The following MCM6 variants were observed in gnomAD, a reference collection of about 807,000 sequenced individuals.
MCM6 encodes the protein minichromosome maintenance complex component 6.
A neutral mutation model predicts 94.3 loss-of-function variants in MCM6; 46 were observed. The ratio of observed to expected loss-of-function variants is 0.49; its 90% CI spans 0.39 to 0.62. The LOEUF (loss-of-function observed/expected upper bound fraction) is 0.62. MCM6 is among the 20% of genes least tolerant of loss of function. The pLI, the probability that MCM6 is intolerant of heterozygous loss-of-function variation, is 0.00. For synonymous variants in MCM6, 335 were observed against 351.9 expected, an observed-to-expected ratio of 0.95 and a Z score of 0.54; for missense variants, 865 against 1,017.9, an observed-to-expected ratio of 0.85 and a Z score of 2.04.
At chr2:135,858,055 T>A (rs1679924866) in intron 9 of MCM6, 51 bp from the exon 10 acceptor site, 3 of 1,511,742 alleles carry the variant, frequency 2.0e-6, no homozygotes, top group Non-Finnish European at 2.8e-6. Flanking sequence ...GCTGGATGCA[T>A]GGCTCACACT....
At chr2:135,851,737 A>C in intron 12 of MCM6, 174 bp from the exon 13 acceptor site, 1 of 451,264 alleles carries the variant, frequency 2.2e-6, no homozygotes, top group East Asian at 3.2e-5. Flanking sequence ...AGAAACTAAT[A>C]TTAAGGAGGC....
intron 4 of MCM6, among the ~76,000 whole-genome samples, chr2:135,867,389 C>A (rs895147747): frequency 2.8e-4 from 43 of 152,138 alleles, no homozygotes; most frequent in Middle Eastern, 3.4e-3. Flanking sequence ...AAACTAAGAC[C>A]CAATCTAGAT....
intron 2 of MCM6, among the ~76,000 whole-genome samples, chr2:135,871,015 A>T (rs1238855705): frequency 6.6e-6 from 1 of 152,128 alleles, no homozygotes; most frequent in Admixed American, 6.5e-5. Context: ...AGCCTCCCAA[A>T]GTGTTAGGAT....
At chr2:135,855,327 AAT>A (rs1318351344) in intron 11 of MCM6, among the ~76,000 whole-genome samples, 12 of 152,224 alleles carry the variant, frequency 7.9e-5, no homozygotes, top group African/African-American at 2.9e-4. Flanking sequence ...CTGGTAATTA[AAT>A]ATGTCTCTCT....
At position 135,851,400 on chromosome 2, in the gene MCM6, AC is replaced by A; in HGVS notation, c.1917+1del. On this transcript the variant is annotated splice_donor_variant, in intron 13 of 16. Coordinates refer to ENST00000264156, the MANE Select transcript of MCM6 (RefSeq NM_005915.6). LOFTEE classifies it high-confidence loss of function. ...CTCATCATATCAAAGTGACTCTGATACCTCATCACAGCAGTGCATCCGAGCC... is the reference window on the plus strand; with the variant it reads ...CTCATCATATCAAAGTGACTCTGATACTCATCACAGCAGTGCATCCGAGCC... The A allele has an allele frequency of 6.2e-7, 1 of 1,610,010 alleles. No individual in the cohort carries two copies.
In MCM6 at chr2:135,870,132, T is replaced by A. The variant is rs569097925; in HGVS notation, c.365+119A>T. 5.6e-5 allele frequency: 38 copies of A among 681,176 alleles called. No homozygotes were observed. The Admixed American group carries it at 7.7e-4, about 14-fold the overall frequency. The allele number at this position is 681,176 out of a possible 1,614,324, so 42.2% of individuals were successfully genotyped here. ...CTCAGGGAGGTAAAAGTGATTTGTA[T>A]AATGTTAAATAGCCAGCTAATAGCA... On this transcript the variant is annotated intron_variant, in intron 3 of 16. Transcript: ENST00000264156.
intron 14 of MCM6, 116 bp from the exon 15 acceptor site, chr2:135,846,508 A>C: frequency 1.2e-6 from 1 of 822,002 alleles, no homozygotes; most frequent in Non-Finnish European, 1.9e-6. Context: ...TTTAAAAATT[A>C]TTATTATTAT....
At chr2:135,842,405 C>T (rs1679592419) in intron 16 of MCM6, among the ~76,000 whole-genome samples, 1 of 152,124 alleles carries the variant, frequency 6.6e-6, no homozygotes, top group Non-Finnish European at 1.5e-5. Context: ...TATAGTGAGC[C>T]CTGTGAATTG....
chr2:135,841,448 G>A (rs529282112), intron 16 of MCM6, among the ~76,000 whole-genome samples: 18 of 152,146 alleles, frequency 1.2e-4, no homozygotes, highest in Admixed American at 1.2e-3. Flanking sequence ...GGTAGAACAT[G>A]CCATCTGGCT....
At chr2:135,872,628 A>T in intron 2 of MCM6, 69 bp downstream of exon 2, 1 of 1,485,870 alleles carries the variant, frequency 6.7e-7, no homozygotes, top group South Asian at 1.2e-5. Flanking sequence ...GAACACTTAC[A>T]GTCCAAGAAG....
In MCM6 at chr2:135,840,780, G is replaced by A. The variant is rs1328077857; in HGVS notation, c.*55C>T. On this transcript the variant is annotated 3_prime_UTR_variant, in exon 17 of 17. Coordinates refer to ENST00000264156, the MANE Select transcript of MCM6 (RefSeq NM_005915.6). ...CTAGCAGAGCTCCAGCCAGGCTCCA[G>A]GCCACGAGGTGCTGTGCCACAGTTC... 2.4e-6 allele frequency: 3 copies of A among 1,233,466 alleles called. No homozygotes were observed. Among genetic ancestry groups the A allele is most frequent in the Admixed American group, 1.7e-5 (1 of 59,146 alleles). 76.4% of individuals were successfully genotyped at this position (1,233,466 alleles called of 1,614,324 possible).
intron 6 of MCM6, among the ~76,000 whole-genome samples, 173 bp from the exon 7 acceptor site, chr2:135,865,336 A>G (rs1038377357): frequency 6.6e-6 from 1 of 152,240 alleles, no homozygotes; most frequent in African/African-American, 2.4e-5. Flanking sequence ...CTCAGTTAAC[A>G]AAGACACTTA....
intron 11 of MCM6, 46 bp from the exon 12 acceptor site, chr2:135,852,961 T>C: frequency 6.5e-7 from 1 of 1,528,162 alleles, no homozygotes; most frequent in South Asian, 1.3e-5. Flanking sequence ...AGCAATATCT[T>C]CTCCAGACTA....
rs867079381 is a variant in MCM6 at position 135,857,049 on chromosome 2, G to A, written c.1471-166C>T. ...CTATGTGATTTTGGTGGTATGATGT[G>A]CACACCATTGAAGACATCAATTTGT... On this transcript the variant is annotated intron_variant, in intron 10 of 16. Transcript: ENST00000264156. Among the ~76,000 whole-genome samples, 16 of 152,246 alleles carry A rather than the reference G, an allele frequency of 1.1e-4. 1 individual carries two copies. Among genetic ancestry groups the A allele is most frequent in the Middle Eastern group, 3.4e-3 (1 of 294 alleles).
intron 1 of MCM6, among the ~76,000 whole-genome samples, chr2:135,876,054 T>C (rs1680290215): frequency 6.6e-6 from 1 of 152,170 alleles, no homozygotes; most frequent in South Asian, 2.1e-4. Flanking sequence ...GGGCTCGAGA[T>C]GGGTTTTACT....
intron 16 of MCM6, among the ~76,000 whole-genome samples, chr2:135,843,607 G>A (rs1193200001): frequency 1.3e-5 from 2 of 151,656 alleles, no homozygotes; most frequent in Non-Finnish European, 2.9e-5. Flanking sequence ...GGGCGTGGTG[G>A]CCGGCGCCTG....
intron 13 of MCM6, among the ~76,000 whole-genome samples, chr2:135,851,177 G>C (rs4988233): frequency 6.6e-6 from 1 of 152,146 alleles, no homozygotes. Context: ...GGTAACTTAC[G>C]TCTTTATGCA....
intron 5 of MCM6, 120 bp from the exon 6 acceptor site, chr2:135,866,397 G>T: frequency 7.1e-7 from 1 of 1,409,512 alleles, no homozygotes. Context: ...AATACTTTCA[G>T]AATAGCACCA....
intron 12 of MCM6, chr2:135,851,831 C>G (rs1258296271): frequency 4.0e-6 from 1 of 249,812 alleles, no homozygotes; most frequent in Admixed American, 5.0e-5. Flanking sequence ...AGCTGCTTAA[C>G]AAGCTGAAGC....
Sources: allele counts gnomAD v4.1 joint callset (sites outside exome capture counted in the v4.1 genomes callset), GRCh38; gene constraint gnomAD v4.1.1; transcripts MANE v1.5; gene names NCBI Gene and HGNC (gene_info 2026-07-23, HGNC 2026-07-21).